PRSS35: variants seen among roughly 807,000 people sequenced by gnomAD.
PRSS35 encodes the protein serine protease 35, also known as inactive serine protease 35.
In PRSS35, 7 loss-of-function variants were observed where a neutral mutation model predicts 8.1. The ratio of observed to expected loss-of-function variants is 0.86; its 90% CI spans 0.49 to 1.62. The LOEUF (loss-of-function observed/expected upper bound fraction) is 1.62. PRSS35 is among the 40% of genes most tolerant of loss of function. The pLI, the probability that PRSS35 is intolerant of heterozygous loss-of-function variation, is 0.00. For missense variants in PRSS35, 566 were observed against 518.0 expected (o/e 1.09, Z -0.90); for synonymous variants, 199 against 188.7 (o/e 1.05, Z -0.45).
chr6:83,515,832 T>TG (rs1269343098), intron 1 of PRSS35, among the ~76,000 whole-genome samples: 1 of 150,962 alleles, frequency 6.6e-6, no homozygotes, highest in African/African-American at 2.4e-5. Flanking sequence ...CTTTTCTTTT[T>TG]TTTGACGGAG....
chr6:83,513,301 T>C (rs566377693), intron 1 of PRSS35, among the ~76,000 whole-genome samples: 1 of 152,340 alleles, frequency 6.6e-6, no homozygotes, highest in East Asian at 1.9e-4. Flanking sequence ...TTAATACTTT[T>C]CTCTGTGCTT....
intron 1 of PRSS35, among the ~76,000 whole-genome samples, chr6:83,519,999 A>G (rs915083296): frequency 2.6e-5 from 4 of 152,018 alleles, no homozygotes; most frequent in Admixed American, 6.6e-5. Context: ...TATGATGCAC[A>G]TAGGATCACT....
chr6:83,524,480 G>T lies in PRSS35; in HGVS notation c.1039G>T (p.Gly347Cys), dbSNP rs765201576. The change falls in exon 2 of 2, where the codon GGT becomes TGT. Residue 347 changes from glycine (G) to cysteine (C), a missense_variant. Physicochemically the swap from Gly to Cys is radical, Grantham distance 159 (BLOSUM62 -3). Transcript: ENST00000369700. ...QYCDAESGST[G>C]SGVYLRLKDP... is the part of the protein sequence containing the mutation. The stretch of plus-strand genomic sequence containing the variant: ...CTGCGATGCTGAGTCGGGCTCCACC[G>T]GTTCGGGGGTCTATCTGCGTCTGAA... The T allele has an allele frequency of 6.2e-7, 1 of 1,614,126 alleles. No individual in the cohort carries two copies. The highest frequency in any genetic ancestry group is 1.1e-5 in the South Asian group (1 of 91,060).
chr6:83,516,927 G>A (rs916641030), intron 1 of PRSS35, among the ~76,000 whole-genome samples: 4 of 152,106 alleles, frequency 2.6e-5, no homozygotes, highest in African/African-American at 9.7e-5. Flanking sequence ...TATTTGTAAA[G>A]TCTCTTTTCT....
At chr6:83,521,674 GT>G (rs956073456) in intron 1 of PRSS35, among the ~76,000 whole-genome samples, 5 of 151,514 alleles carry the variant, frequency 3.3e-5, no homozygotes, top group Non-Finnish European at 7.4e-5. Context: ...TTTTTTAAAA[GT>G]TTTTTTTGTA....
chr6:83,521,969 G>C (rs1309196679), intron 1 of PRSS35, among the ~76,000 whole-genome samples: 5 of 152,120 alleles, frequency 3.3e-5, no homozygotes, highest in Non-Finnish European at 7.4e-5. Flanking sequence ...CATAAATTCT[G>C]TTGTATCAAG....
At chr6:83,514,190 C>G (rs953152271) in intron 1 of PRSS35, among the ~76,000 whole-genome samples, 1 of 152,176 alleles carries the variant, frequency 6.6e-6, no homozygotes, top group African/African-American at 2.4e-5. Flanking sequence ...ATATTCTTTG[C>G]TCTCAAAGGC....
rs775369158 is a variant in PRSS35 at position 83,524,044 on chromosome 6, A to T, written c.603A>T (p.Arg201=). The change falls in exon 2 of 2, where the codon CGA becomes CGT. Residue 201 remains arginine, a synonymous_variant. Coordinates refer to ENST00000369700, the MANE Select transcript of PRSS35 (RefSeq NM_153362.3). ...MRNKSGGKKR[R]GSKRSRREAS... ...ATAAAAGTGGAGGCAAGAAACGTCG[A>T]GGTTCTAAGAGGAGCAGGAGAGAAG... The T allele has an allele frequency of 6.2e-7, 1 of 1,614,166 alleles. No homozygotes were observed. The highest frequency in any genetic ancestry group is 8.5e-7 in the Non-Finnish European group (1 of 1,180,028).
At chr6:83,516,367 G>A (rs904351669) in intron 1 of PRSS35, among the ~76,000 whole-genome samples, 1 of 151,766 alleles carries the variant, frequency 6.6e-6, no homozygotes, top group Non-Finnish European at 1.5e-5. Flanking sequence ...GAGGTCAGGA[G>A]ATCGAGACCA....
At chr6:83,521,726 T>C (rs1771825918) in intron 1 of PRSS35, among the ~76,000 whole-genome samples, 1 of 152,032 alleles carries the variant, frequency 6.6e-6, no homozygotes, top group African/African-American at 2.4e-5. Context: ...GGTCTTGAAT[T>C]CCTGTATTCA....
chr6:83,519,613 C>G (rs547588510), intron 1 of PRSS35, among the ~76,000 whole-genome samples: 2 of 152,184 alleles, frequency 1.3e-5, no homozygotes, highest in Non-Finnish European at 2.9e-5. Context: ...CATTTTACCA[C>G]AAGACAAACT....
rs1377065081 is a variant in PRSS35 at position 83,525,568 on chromosome 6, T to A, written c.*885T>A. On this transcript the variant is annotated 3_prime_UTR_variant, in exon 2 of 2. Transcript: ENST00000369700. ...ATTTTTAGGACAAAGAATTCTGTAA[T>A]CTTTTTCAAGAAAGAGTCTTTTTCT... 2 of 167,144 alleles carry A rather than the reference T, an allele frequency of 1.2e-5. No homozygotes were observed. The highest frequency in any genetic ancestry group is 4.8e-5 in the African/African-American group (2 of 41,474). The allele number at this position is 167,144 out of a possible 1,614,324, so 10.4% of individuals were successfully genotyped here.
intron 1 of PRSS35, among the ~76,000 whole-genome samples, chr6:83,521,003 T>C (rs1771811746): frequency 6.6e-6 from 1 of 152,200 alleles, no homozygotes; most frequent in South Asian, 2.1e-4. Context: ...CAAGCTTTGA[T>C]GTAATCATAT....
chr6:83,521,516 CT>C (rs888878674), intron 1 of PRSS35, among the ~76,000 whole-genome samples: 2 of 149,734 alleles, frequency 1.3e-5, no homozygotes, highest in African/African-American at 4.9e-5. Context: ...ACCTCCCCCC[CT>C]CCTCTCCTCT....
chr6:83,518,313 GT>G (rs371845836), intron 1 of PRSS35, among the ~76,000 whole-genome samples: 2 of 150,086 alleles, frequency 1.3e-5, no homozygotes, highest in Non-Finnish European at 3.0e-5. Flanking sequence ...TCAAAAAGTT[GT>G]TTTTTTTTCA....
At chr6:83,522,852 C>T (rs892081553) in intron 1 of PRSS35, among the ~76,000 whole-genome samples, 3 of 151,818 alleles carry the variant, frequency 2.0e-5, no homozygotes, top group Admixed American at 2.0e-4. Context: ...CAAGAATTTG[C>T]ATTGCACCTT....
intron 1 of PRSS35, among the ~76,000 whole-genome samples, chr6:83,523,034 T>G (rs1334619112): frequency 1.3e-5 from 2 of 152,200 alleles, no homozygotes; most frequent in African/African-American, 4.8e-5. Context: ...TTATCTTTAT[T>G]TCTAAATCAT....
intron 1 of PRSS35, among the ~76,000 whole-genome samples, chr6:83,519,120 G>A (rs912049567): frequency 1.2e-4 from 18 of 152,190 alleles, no homozygotes; most frequent in South Asian, 8.3e-4. Flanking sequence ...AAGTGATCTC[G>A]TAGTCAAGTG....
chr6:83,517,583 C>T (rs956725239), intron 1 of PRSS35, among the ~76,000 whole-genome samples: 7 of 152,220 alleles, frequency 4.6e-5, no homozygotes, highest in Non-Finnish European at 8.8e-5. Context: ...GGCCTTTTGC[C>T]TAAGCCATTT....
Sources: allele counts gnomAD v4.1 joint callset (sites outside exome capture counted in the v4.1 genomes callset), GRCh38; gene constraint gnomAD v4.1.1; transcripts MANE v1.5; gene names NCBI Gene and HGNC (gene_info 2026-07-23, HGNC 2026-07-21).